The following FMO5 variants were observed in gnomAD, a reference collection of about 807,000 sequenced individuals.
The protein encoded by FMO5 is flavin-containing monooxygenase 5.
FMO5 carries 51 observed loss-of-function variants against 43.6 expected under a neutral mutation model. That is an observed-to-expected ratio of 1.17 (90% CI 0.93 to 1.48). The LOEUF (loss-of-function observed/expected upper bound fraction) is 1.48. Among genes scored for constraint, FMO5 ranks in the 40% most tolerant of loss-of-function variants. FMO5 has a pLI of 0.00. For synonymous variants in FMO5, 187 were observed against 216.5 expected (o/e 0.86, Z 1.20); for missense variants, 644 against 643.0 (o/e 1.00, Z -0.02).
chr1:147,215,988 A>G (rs782618722), intron 2 of FMO5, 46 bp from the exon 3 acceptor site: 19 of 1,421,770 alleles, frequency 1.3e-5, no homozygotes, highest in Non-Finnish European at 1.7e-5. Flanking sequence ...GATCATCTTC[A>G]TGTTTTATAA....
At chr1:147,210,953 A>G (rs1011088719) in intron 5 of FMO5, 1 of 152,364 alleles carries the variant, frequency 6.6e-6, no homozygotes, top group East Asian at 1.9e-4. Flanking sequence ...AAAAACTTCC[A>G]TGATATACTG....
rs1268474615 is a variant in FMO5, at chr1:147,186,600, C to A, written c.*300G>T. The A allele has an allele frequency of 3.6e-5, 39 of 1,089,600 alleles. No homozygotes were observed. Among genetic ancestry groups the A allele is most frequent in the Non-Finnish European group, 4.3e-5 (39 of 897,252 alleles). 67.5% of individuals were successfully genotyped at this position (1,089,600 alleles called of 1,614,324 possible). ...TGATAAACAACAAACATTTATTAAGCACCTACCACATGTCAAGAACTCTGC... is the reference window on the plus strand; with the variant it reads ...TGATAAACAACAAACATTTATTAAGAACCTACCACATGTCAAGAACTCTGC... On this transcript the variant is annotated 3_prime_UTR_variant, in exon 9 of 9. Coordinates refer to ENST00000254090, the MANE Select transcript of FMO5 (RefSeq NM_001461.4).
At position 147,192,818 on chromosome 1, in the gene FMO5, T is replaced by G. The variant is rs1262355726; in HGVS notation, c.1184-2569A>C. Among the ~76,000 whole-genome samples the G allele has an allele frequency of 4.6e-5, 7 of 152,276 alleles. No homozygotes were observed. The East Asian group carries it at 1.4e-3, about 29-fold the overall frequency. On this transcript the variant is annotated intron_variant, in intron 7 of 8. Transcript: ENST00000254090. ...TGTTTATATGCTGGATTACATTTATTGATTTGTGTATGTTGAACCAGCCTT... is the reference window on the plus strand; with the variant it reads ...TGTTTATATGCTGGATTACATTTATGGATTTGTGTATGTTGAACCAGCCTT...
chr1:147,199,827 C>A (rs1331916430), intron 7 of FMO5, among the ~76,000 whole-genome samples: 3 of 152,018 alleles, frequency 2.0e-5, no homozygotes, highest in Non-Finnish European at 4.4e-5. Context: ...AACTGTAATA[C>A]CATTGGTTCT....
chr1:147,197,394 G>A (rs1372819), intron 7 of FMO5, among the ~76,000 whole-genome samples: 5,757 of 152,122 alleles, frequency 0.038, 125 homozygotes, highest in African/African-American at 0.05. Flanking sequence ...ATCATTAAGC[G>A]TCTGTTTACT....
downstream of FMO5, among the ~76,000 whole-genome samples, chr1:147,185,161 A>G (rs1306509253): frequency 3.5e-5 from 5 of 143,602 alleles, no homozygotes; most frequent in Non-Finnish European, 6.1e-5. Context: ...GAGCTAAAAA[A>G]TCATTAACCA....
At chr1:147,200,796 ATG>A (rs1658839181) in intron 7 of FMO5, among the ~76,000 whole-genome samples, 1 of 152,206 alleles carries the variant, frequency 6.6e-6, no homozygotes, top group East Asian at 1.9e-4. Context: ...TCAGAAATAT[ATG>A]CCAGTTGCCT....
Position 147,201,326 on chromosome 1 carries a change from G to T in FMO5, c.1009C>A (p.Pro337Thr), listed in dbSNP as rs782678465. The T allele has an allele frequency of 1.2e-6, 2 of 1,614,038 alleles. No homozygotes were observed. Among genetic ancestry groups the T allele is most frequent in the Admixed American group, 3.3e-5 (2 of 60,006 alleles). Residue 337 changes from proline (P) to threonine (T), a missense_variant, in exon 7 of 9, where the codon CCA becomes ACA. Transcript: ENST00000254090. ...ACTTTGACGGAATCTTCCAGAAATG[G>T]AAAGTCAAAGCTATAGCCTGTGGCA... ...IFATGYSFDF[P>T]FLEDSVKVVK...
intron 2 of FMO5, 152 bp from the exon 3 acceptor site, chr1:147,216,094 C>T: frequency 1.7e-6 from 1 of 585,618 alleles, no homozygotes; most frequent in Middle Eastern, 3.9e-4. Context: ...GTCCCTTCCC[C>T]TTGAATCTCA....
At chr1:147,225,160 G>A in intron 1 of FMO5, 94 bp from the exon 2 acceptor site, 1 of 1,522,436 alleles carries the variant, frequency 6.6e-7, no homozygotes, top group Non-Finnish European at 8.8e-7. Flanking sequence ...TTCTGTACAA[G>A]AGGTGTCTTG....
chr1:147,202,473 C>A (rs1659197232), intron 6 of FMO5, among the ~76,000 whole-genome samples: 1 of 151,932 alleles, frequency 6.6e-6, no homozygotes, highest in Non-Finnish European at 1.5e-5. Flanking sequence ...GCACCTGCCA[C>A]CATGCCTGGC....
intron 5 of FMO5, chr1:147,209,541 A>C (rs1262120798): frequency 6.5e-6 from 1 of 154,916 alleles, no homozygotes; most frequent in African/African-American, 2.4e-5. Context: ...TCCTTCCCAA[A>C]CACTAAACTT....
upstream of FMO5, among the ~76,000 whole-genome samples, chr1:147,227,017 T>C (rs979834740): frequency 6.6e-6 from 1 of 152,048 alleles, no homozygotes; most frequent in Non-Finnish European, 1.5e-5. Context: ...TTTGTAGAAA[T>C]GAGGTTTCAC....
intron 7 of FMO5, among the ~76,000 whole-genome samples, chr1:147,197,520 G>A (rs1658216322): frequency 6.6e-6 from 1 of 152,024 alleles, no homozygotes. Context: ...TTAATCATGG[G>A]GTGGTTACTC....
chr1:147,226,119 T>TTC (rs1336255175), upstream of FMO5, among the ~76,000 whole-genome samples: 3 of 151,154 alleles, frequency 2.0e-5, no homozygotes, highest in Non-Finnish European at 2.9e-5. Context: ...TTTTTTTTTT[T>TTC]CCAACTTTTT....
intron 6 of FMO5, chr1:147,204,000 ACAT>A (rs1659514474): frequency 8.6e-7 from 1 of 1,161,190 alleles, no homozygotes; most frequent in South Asian, 1.2e-5. Flanking sequence ...AGCTTCACTA[ACAT>A]CATATTATAT....
chr1:147,196,508 C>T (rs1480609738), intron 7 of FMO5, among the ~76,000 whole-genome samples: 1 of 151,798 alleles, frequency 6.6e-6, no homozygotes, highest in Non-Finnish European at 1.5e-5. Flanking sequence ...CAACAAAAAA[C>T]CCTATCTATT....
rs1553924975 is a variant in FMO5 at position 147,215,917 on chromosome 1, C to T, written c.161G>A (p.Ser54Asn). The T allele has an allele frequency of 1.9e-6, 3 of 1,607,542 alleles. No individual in the cohort carries two copies. Among genetic ancestry groups the T allele is most frequent in the Admixed American group, 3.4e-5 (2 of 58,514 alleles). Residue 54 changes from serine to asparagine, a missense_variant, in exon 3 of 9, where the codon AGT (serine) becomes AAT (asparagine). Ser to Asn is a conservative substitution (Grantham distance 46, BLOSUM62 1). Transcript: ENST00000254090. ...FQENPEEGRA[S>N]IYKSVIINTS... ...ATTGATGATCACTGATTTGTAAATA[C>T]TGGCCCTTCCTTCTTCAGGATTTTC... is the stretch of plus-strand genomic sequence containing the variant.
chr1:147,200,587 A>G (rs1408066208), intron 7 of FMO5, among the ~76,000 whole-genome samples: 1 of 25,620 alleles, frequency 3.9e-5, no homozygotes, highest in Non-Finnish European at 8.2e-5. Flanking sequence ...TATGAAACCT[A>G]TTCCCCTTTT....
Sources: allele counts gnomAD v4.1 joint callset (sites outside exome capture counted in the v4.1 genomes callset), GRCh38; gene constraint gnomAD v4.1.1; transcripts MANE v1.5; gene names NCBI Gene and HGNC (gene_info 2026-07-23, HGNC 2026-07-21).